Variants in ABCB1 observed in about 807,000 individuals in gnomAD.
The protein encoded by ABCB1 is ATP-dependent translocase ABCB1.
In ABCB1, 69 loss-of-function variants were observed where a neutral mutation model predicts 142.0. The observed-to-expected ratio is 0.49, with a 90% confidence interval of 0.40 to 0.59. The LOEUF is 0.59. ABCB1 is among the 20% of genes least tolerant of loss of function. The probability of loss-of-function intolerance (pLI) is 0.00; values close to 1 mark genes in which losing one functional copy is unlikely to be tolerated. For synonymous variants in ABCB1, 532 were observed against 539.2 expected (o/e 0.99, Z 0.18); for missense variants, 1,326 against 1,554.7 (o/e 0.85, Z 2.47).
rs529080918 is a variant in ABCB1 at position 87,544,478 on chromosome 7, C to T, written c.2065-203G>A. 1.2e-4 allele frequency among the ~76,000 whole-genome samples: 19 copies of T among 152,186 alleles called. No homozygotes were observed. The South Asian group carries it at 2.3e-3, about 18-fold the overall frequency. On this transcript the variant is annotated intron_variant, in intron 16 of 27. Coordinates refer to ENST00000622132, the MANE Select transcript of ABCB1 (RefSeq NM_001348946.2). The stretch of plus-strand genomic sequence containing the variant: ...GTTGACAAATTTTGCTACAATACTC[C>T]TTTATTTTTTAAAAAATAAATGATG...
At chr7:87,556,508 G>C (rs1012828623) in intron 8 of ABCB1, among the ~76,000 whole-genome samples, 6 of 152,164 alleles carry the variant, frequency 3.9e-5, no homozygotes, top group Non-Finnish European at 7.3e-5. Flanking sequence ...AAGCAGAGAA[G>C]GGAAGGAGAA....
chr7:87,570,943 A>G (rs1818023574), intron 4 of ABCB1, among the ~76,000 whole-genome samples: 2 of 152,138 alleles, frequency 1.3e-5, no homozygotes, highest in Admixed American at 1.3e-4. Flanking sequence ...CAGTATATAT[A>G]TGTGTGTATC....
At position 87,700,683 on chromosome 7, in the gene ABCB1, C is replaced by T. The variant is rs140799414; in HGVS notation, c.-331+12478G>A. On this transcript the variant is annotated intron_variant, in intron 1 of 28. Transcript: ENST00000265724. ...GAAGCATAATAAAATACGTCCTGTTCTGTGATGTTTCTACATTTCTTGAAT... is the reference window on the plus strand; with the variant it reads ...GAAGCATAATAAAATACGTCCTGTTTTGTGATGTTTCTACATTTCTTGAAT... The T allele has an allele frequency of 2.0e-4, 156 of 791,836 alleles. No homozygotes were observed. In the African/African-American group the frequency reaches 2.6e-3, roughly 13 times the overall value. The allele number at this position is 791,836 out of a possible 1,614,324, so 49.1% of individuals were successfully genotyped here. A position where few individuals can be genotyped will look rare whatever the true frequency, so the allele number is the denominator to read the frequency against.
Position 87,626,092 on chromosome 7 carries a change from ATATATATT to A in ABCB1, c.-330-25022_-330-25015del, listed in dbSNP as rs1176003298. 1.3e-4 allele frequency among the ~76,000 whole-genome samples: 16 copies of A among 120,810 alleles called. 1 individual carries two copies. The highest frequency in any genetic ancestry group is 9.3e-4 in the Admixed American group (11 of 11,858). The allele number at this position is 120,810 out of a possible 152,430, so 79.3% of individuals were successfully genotyped here. Reference sequence around the variant, plus strand: ...CAGGCTGAGACATATATATATATATATATATATTGTCATATATATGTGTCATATATATT... The same window carrying A: ...CAGGCTGAGACATATATATATATATAGTCATATATATGTGTCATATATATT... On this transcript the variant is annotated intron_variant, in intron 1 of 28. Transcript: ENST00000265724.
Position 87,566,051 on chromosome 7 carries a change from A to T in ABCB1, c.702+19T>A. 6.2e-7 allele frequency: 1 copy of T among 1,614,068 alleles called. No homozygotes were observed. ...GGAGAAGGTGCAGTTCAAAATCTGG[A>T]TTCACAGGCTTCACCTACCTTTGCC... On this transcript the variant is annotated intron_variant, in intron 7 of 27. Coordinates refer to ENST00000622132, the MANE Select transcript of ABCB1 (RefSeq NM_001348946.2).
At chr7:87,531,748 C>T (rs1816066317) in intron 20 of ABCB1, 1 of 454,204 alleles carries the variant, frequency 2.2e-6, no homozygotes, top group Admixed American at 3.6e-5. Context: ...TCTTTTAATA[C>T]CAAGAAAACC....
intron 1 of ABCB1, among the ~76,000 whole-genome samples, chr7:87,681,810 C>A (rs1369775783): frequency 1.3e-5 from 2 of 152,152 alleles, no homozygotes; most frequent in African/African-American, 4.8e-5. Flanking sequence ...CCAGACCAGT[C>A]TGGGCAATAT....
intron 1 of ABCB1, among the ~76,000 whole-genome samples, chr7:87,711,772 T>C (rs1012371709): frequency 1.3e-5 from 2 of 152,164 alleles, no homozygotes; most frequent in Admixed American, 6.5e-5. Flanking sequence ...GGTAACCCAA[T>C]TGGACAGATT....
At chr7:87,640,372 G>T (rs1161423390) in intron 1 of ABCB1, among the ~76,000 whole-genome samples, 1 of 151,670 alleles carries the variant, frequency 6.6e-6, no homozygotes, top group Non-Finnish European at 1.5e-5. Context: ...TTTTTTAGAG[G>T]TTGGGTCTTG....
At chr7:87,523,124 G>A (rs1017377673) in intron 21 of ABCB1, among the ~76,000 whole-genome samples, 4 of 151,462 alleles carry the variant, frequency 2.6e-5, no homozygotes, top group Admixed American at 6.6e-5. Flanking sequence ...TTTTAGAAAC[G>A]GGGTCTTGCT....
intron 1 of ABCB1, among the ~76,000 whole-genome samples, chr7:87,638,979 C>T (rs1005429795): frequency 1.1e-4 from 17 of 151,976 alleles, no homozygotes; most frequent in African/African-American, 3.4e-4. Flanking sequence ...GGTGAAACCC[C>T]GTCTCTACTA....
At chr7:87,628,450 G>A (rs912975977) in intron 1 of ABCB1, 1 of 172,322 alleles carries the variant, frequency 5.8e-6, no homozygotes, top group African/African-American at 2.4e-5. Context: ...GGGTGGTTGG[G>A]CGTGAGGGGC....
At position 87,600,168 on chromosome 7, in the gene ABCB1, T is replaced by C; in HGVS notation, c.17A>G (p.Asp6Gly). 6.2e-7 allele frequency: 1 copy of C among 1,614,084 alleles called. No individual in the cohort carries two copies. The highest frequency in any genetic ancestry group is 8.5e-7 in the Non-Finnish European group (1 of 1,179,974). Residue 6 changes from aspartate to glycine, a missense_variant, in exon 2 of 28, where the codon GAC (aspartate) becomes GGC (glycine). Coordinates refer to ENST00000622132, the MANE Select transcript of ABCB1 (RefSeq NM_001348946.2). The part of the protein sequence containing the change: MDLEG[D>G]RNGGAKKKNF... ...CTTCTTCTTTGCTCCTCCATTGCGG[T>C]CCCCTTCAAGATCCATTCCGACCTG... is the stretch of plus-strand genomic sequence containing the variant.
At chr7:87,650,901 G>T in intron 1 of ABCB1, 1 of 1,612,616 alleles carries the variant, frequency 6.2e-7, no homozygotes. Flanking sequence ...CAATTTTGCA[G>T]CTATTTTGGA....
chr7:87,506,198 A>G (rs1479039722), intron 26 of ABCB1, 155 bp from the exon 27 acceptor site: 1 of 733,792 alleles, frequency 1.4e-6, no homozygotes, highest in Non-Finnish European at 2.2e-6. Context: ...GAACAGTAAA[A>G]AAGCCCAAAA....
chr7:87,549,726 A>G (rs748147357), intron 13 of ABCB1, 125 bp downstream of exon 13: 4 of 1,368,254 alleles, frequency 2.9e-6, no homozygotes, highest in Non-Finnish European at 3.1e-6. Flanking sequence ...AATCTGAAGT[A>G]ATCTTACTTT....
intron 4 of ABCB1, among the ~76,000 whole-genome samples, chr7:87,571,047 A>C (rs1197620551): frequency 6.6e-6 from 1 of 152,232 alleles, no homozygotes; most frequent in Non-Finnish European, 1.5e-5. Context: ...ATATGTTATA[A>C]ATGTACAAAG....
intron 1 of ABCB1, among the ~76,000 whole-genome samples, chr7:87,678,232 G>A (rs1158924218): frequency 1.3e-5 from 2 of 152,166 alleles, no homozygotes; most frequent in African/African-American, 4.8e-5. Flanking sequence ...GGGATTACAG[G>A]TGTGAGCCAC....
intron 1 of ABCB1, chr7:87,651,036 C>T (rs901778962): frequency 6.5e-5 from 44 of 674,080 alleles, no homozygotes; most frequent in Non-Finnish European, 9.5e-5. Flanking sequence ...AGATAGCCAA[C>T]ATTCTATAAT....
Sources: gnomAD v4.1 joint callset for allele counts (sites outside exome capture counted in the v4.1 genomes callset) on GRCh38, gnomAD v4.1.1 for gene constraint, MANE v1.5 for transcripts, NCBI Gene and HGNC (gene_info 2026-07-23, HGNC 2026-07-21) for gene names.